Variants in UPF2 observed in about 807,000 individuals in gnomAD.
The protein encoded by UPF2 is regulator of nonsense transcripts 2.
Under a neutral mutation model 141.4 loss-of-function variants are expected in UPF2, and 17 were observed. That is an observed-to-expected ratio of 0.12 (90% confidence interval 0.08 to 0.18). UPF2 has a LOEUF of 0.18. Ranked by LOEUF, UPF2 falls within the 10% of genes least tolerant of loss-of-function variation. The pLI, the probability that UPF2 is intolerant of heterozygous loss-of-function variation, is 1.00. For missense variants in UPF2, 1,152 were observed against 1,515.9 expected (o/e 0.76, Z 3.99); for synonymous variants, 540 against 498.0 (o/e 1.08, Z -1.12).
intron 13 of UPF2, 66 bp from the exon 14 acceptor site, chr10:11,955,573 T>C (rs1386923851): frequency 2.1e-6 from 3 of 1,457,612 alleles, no homozygotes; most frequent in East Asian, 2.3e-5. Flanking sequence ...CAGGTTAAAC[T>C]TGTCTCTGTA....
chr10:11,994,875 C>G (rs1213598639), intron 8 of UPF2, among the ~76,000 whole-genome samples: 1 of 143,300 alleles, frequency 7.0e-6, no homozygotes, highest in Non-Finnish European at 1.5e-5. Flanking sequence ...ACTTGGGAGG[C>G]TGAGGCAGGA....
At chr10:12,026,476 G>C (rs927073206) in intron 3 of UPF2, among the ~76,000 whole-genome samples, 1 of 151,996 alleles carries the variant, frequency 6.6e-6, no homozygotes. Flanking sequence ...GAAACATCAC[G>C]GCAGTCTGAA....
intron 8 of UPF2, among the ~76,000 whole-genome samples, chr10:11,985,074 T>C (rs545012229): frequency 6.6e-6 from 1 of 152,284 alleles, no homozygotes; most frequent in East Asian, 1.9e-4. Flanking sequence ...ATCAATGAAG[T>C]AACAACACGG....
chr10:12,034,275 A>T (rs1334123777), intron 2 of UPF2, among the ~76,000 whole-genome samples: 6 of 152,160 alleles, frequency 3.9e-5, no homozygotes, highest in Non-Finnish European at 5.9e-5. Flanking sequence ...CAATTTTTTT[A>T]AAAAATGGAG....
At chr10:11,989,161 G>C (rs1049551570) in intron 8 of UPF2, among the ~76,000 whole-genome samples, 1 of 152,170 alleles carries the variant, frequency 6.6e-6, no homozygotes, top group Non-Finnish European at 1.5e-5. Flanking sequence ...TCTGTAAACA[G>C]AGGCATTGGC....
At chr10:12,018,469 T>A (rs1834262005) in intron 3 of UPF2, among the ~76,000 whole-genome samples, 1 of 152,010 alleles carries the variant, frequency 6.6e-6, no homozygotes, top group African/African-American at 2.4e-5. Flanking sequence ...TAATCCCAGC[T>A]ACTCAGGAGG....
intron 8 of UPF2, among the ~76,000 whole-genome samples, chr10:11,983,260 G>A (rs1833629139): frequency 6.6e-6 from 1 of 152,118 alleles, no homozygotes; most frequent in South Asian, 2.1e-4. Flanking sequence ...CAGTTAATGG[G>A]ACATTCACAT....
intron 8 of UPF2, among the ~76,000 whole-genome samples, chr10:11,982,494 T>A (rs1833615583): frequency 6.6e-6 from 1 of 152,200 alleles, no homozygotes; most frequent in Non-Finnish European, 1.5e-5. Context: ...TGGGCTGGAA[T>A]ATGCTTTCCC....
At chr10:11,929,778 C>A in intron 21 of UPF2, 87 bp downstream of exon 21, 1 of 1,513,328 alleles carries the variant, frequency 6.6e-7, no homozygotes, top group South Asian at 1.3e-5. Flanking sequence ...CGGGCCTTTG[C>A]CAAAAACTAT....
At chr10:11,943,985 A>C (rs1832968908) in intron 16 of UPF2, among the ~76,000 whole-genome samples, 1 of 147,830 alleles carries the variant, frequency 6.8e-6, no homozygotes, top group Non-Finnish European at 1.5e-5. Flanking sequence ...ATGGTTCCTT[A>C]AGAGTAAAAA....
At chr10:11,981,559 T>C (rs938725476) in intron 8 of UPF2, among the ~76,000 whole-genome samples, 3 of 152,238 alleles carry the variant, frequency 2.0e-5, no homozygotes, top group African/African-American at 7.2e-5. Context: ...AATTTAAATG[T>C]TGATTTAAAA....
At chr10:11,965,233 T>C (rs1245616023) in intron 10 of UPF2, among the ~76,000 whole-genome samples, 1 of 152,196 alleles carries the variant, frequency 6.6e-6, no homozygotes, top group Non-Finnish European at 1.5e-5. Context: ...AAAAAGTGTA[T>C]ATTCTTCCTA....
chr10:12,001,641 A>G, intron 6 of UPF2, 35 bp downstream of exon 6: 1 of 1,570,494 alleles, frequency 6.4e-7, no homozygotes, highest in Non-Finnish European at 8.6e-7. Flanking sequence ...TGTAAAAACC[A>G]ATTAAAAATG....
chr10:12,022,066 G>C (rs1296813190), intron 3 of UPF2, among the ~76,000 whole-genome samples: 1 of 151,960 alleles, frequency 6.6e-6, no homozygotes, highest in Non-Finnish European at 1.5e-5. Flanking sequence ...CTTGAACCTA[G>C]GAGGTGGAAG....
At chr10:12,009,737 T>C (rs1253152287) in intron 4 of UPF2, among the ~76,000 whole-genome samples, 1 of 152,182 alleles carries the variant, frequency 6.6e-6, no homozygotes, top group Non-Finnish European at 1.5e-5. Flanking sequence ...GGTAATACTC[T>C]ACCCAAGGTA....
chr10:11,957,388 C>G (rs1361776019), intron 12 of UPF2, among the ~76,000 whole-genome samples: 1 of 151,960 alleles, frequency 6.6e-6, no homozygotes, highest in African/African-American at 2.4e-5. Flanking sequence ...GAGACTCCAC[C>G]ACTGCACTCC....
intron 4 of UPF2, among the ~76,000 whole-genome samples, chr10:12,012,624 C>A (rs1208365013): frequency 6.6e-6 from 1 of 151,406 alleles, no homozygotes; most frequent in Admixed American, 6.6e-5. Flanking sequence ...ATGGTGAAAC[C>A]CCGTCTCTAC....
intron 3 of UPF2, among the ~76,000 whole-genome samples, chr10:12,023,524 A>AT (rs933047979): frequency 1.3e-5 from 2 of 151,200 alleles, no homozygotes; most frequent in African/African-American, 4.9e-5. Flanking sequence ...AAAAAAAAAA[A>AT]AAATAGAGAA....
chr10:11,937,640 T>C (rs1832870789), intron 18 of UPF2, among the ~76,000 whole-genome samples: 1 of 152,150 alleles, frequency 6.6e-6, no homozygotes, highest in South Asian at 2.1e-4. Context: ...AACACATGAC[T>C]GATGAATGAG....
Sources: gnomAD v4.1 joint callset for allele counts (sites outside exome capture counted in the v4.1 genomes callset) on GRCh38, gnomAD v4.1.1 for gene constraint, MANE v1.5 for transcripts, NCBI Gene and HGNC (gene_info 2026-07-23, HGNC 2026-07-21) for gene names.